Variants in FAM163A observed in about 807,000 individuals in gnomAD.
FAM163A encodes family with sequence similarity 163 member A, also known as protein FAM163A.
A neutral mutation model predicts 12.0 loss-of-function variants in FAM163A; 7 were observed. That is an observed-to-expected ratio of 0.58 (90% confidence interval 0.33 to 1.10). FAM163A has a LOEUF of 1.10. Ranked by LOEUF, FAM163A falls within the 50% of genes least tolerant of loss-of-function variation. FAM163A has a pLI of 0.03. For missense variants in FAM163A, 202 were observed against 218.6 expected (o/e 0.92, Z 0.48); for synonymous variants, 101 against 91.0 (o/e 1.11, Z -0.62).
chr1:179,729,548 G>GC, the FAM163A span, among the ~76,000 whole-genome samples: 1 of 152,206 alleles, frequency 6.6e-6, no homozygotes, highest in African/African-American at 2.4e-5. Flanking sequence ...TTCTGAGAAG[G>GC]CTCCTAGTTG....
chr1:179,760,046 T>C (rs534508958), intron 1 of FAM163A, among the ~76,000 whole-genome samples: 2 of 152,144 alleles, frequency 1.3e-5, no homozygotes, highest in South Asian at 4.1e-4. Context: ...AGGAAAATGA[T>C]GGGTGCAGAT....
intron 1 of FAM163A, among the ~76,000 whole-genome samples, chr1:179,746,651 G>C (rs981337971): frequency 6.6e-6 from 1 of 152,138 alleles, no homozygotes; most frequent in African/African-American, 2.4e-5. Flanking sequence ...TGTACCTTTT[G>C]AATTCTGAAC....
chr1:179,792,261 A>G (rs1159023477), intron 1 of FAM163A, among the ~76,000 whole-genome samples: 1 of 151,538 alleles, frequency 6.6e-6, no homozygotes, highest in Non-Finnish European at 1.5e-5. Flanking sequence ...CTGGGACTAC[A>G]GACACATGCC....
chr1:179,733,686 G>A, the FAM163A span, among the ~76,000 whole-genome samples: 1 of 151,960 alleles, frequency 6.6e-6, no homozygotes, highest in African/African-American at 2.4e-5. Context: ...GTATCCACAC[G>A]TGCTACCTCT....
intron 1 of FAM163A, among the ~76,000 whole-genome samples, chr1:179,761,520 G>A (rs772519747): frequency 1.1e-4 from 17 of 152,264 alleles, no homozygotes; most frequent in African/African-American, 2.6e-4. Flanking sequence ...TACGACAGCC[G>A]GTAGCCTTGA....
chr1:179,767,103 T>A lies in FAM163A; in HGVS notation c.-136+23680T>A, dbSNP rs1431520014. Among the ~76,000 whole-genome samples the A allele has an allele frequency of 2.0e-5, 3 of 152,054 alleles. No homozygotes were observed. In the East Asian group the frequency reaches 5.8e-4, roughly 29 times the overall value. ...AAACAGGAGTCCTCCCTGCCATCGTTCTCCCAGTGTCTTCCCTCAGAGATG... is the reference window on the plus strand; with the variant it reads ...AAACAGGAGTCCTCCCTGCCATCGTACTCCCAGTGTCTTCCCTCAGAGATG... On this transcript the variant is annotated intron_variant, in intron 1 of 4. Transcript: ENST00000341785.
intron 1 of FAM163A, among the ~76,000 whole-genome samples, chr1:179,747,898 G>C (rs1433447566): frequency 6.6e-6 from 1 of 151,524 alleles, no homozygotes; most frequent in Non-Finnish European, 1.5e-5. Context: ...GTGTGCATTA[G>C]GGCTGGGGCT....
upstream of FAM163A, among the ~76,000 whole-genome samples, chr1:179,741,515 T>A (rs1683637788): frequency 2.0e-5 from 3 of 152,186 alleles, no homozygotes; most frequent in Admixed American, 6.5e-5. Context: ...ATAGCCCCAA[T>A]GGGAAAAACC....
the FAM163A span, among the ~76,000 whole-genome samples, chr1:179,735,134 C>G: frequency 2.6e-5 from 4 of 152,050 alleles, no homozygotes; most frequent in Admixed American, 1.3e-4. Flanking sequence ...CAAAATAAGT[C>G]CCCCCAGATT....
At chr1:179,732,913 T>G in the FAM163A span, among the ~76,000 whole-genome samples, 1 of 145,574 alleles carries the variant, frequency 6.9e-6, no homozygotes, top group Admixed American at 6.9e-5. Context: ...AAAAGATTGT[T>G]TACATGATTG....
intron 1 of FAM163A, among the ~76,000 whole-genome samples, chr1:179,767,483 T>A (rs1365141517): frequency 6.6e-6 from 1 of 152,158 alleles, no homozygotes; most frequent in Non-Finnish European, 1.5e-5. Flanking sequence ...ATCTGTCACT[T>A]CACATCCCCC....
At chr1:179,753,804 GAA>G (rs1433281283) in intron 1 of FAM163A, among the ~76,000 whole-genome samples, 1 of 152,226 alleles carries the variant, frequency 6.6e-6, no homozygotes, top group Non-Finnish European at 1.5e-5. Context: ...GGTGAAGAGA[GAA>G]AGGGTGAGGA....
At chr1:179,763,588 G>A (rs2148059656) in intron 1 of FAM163A, among the ~76,000 whole-genome samples, 1 of 152,312 alleles carries the variant, frequency 6.6e-6, no homozygotes, top group South Asian at 2.1e-4. Context: ...CTAAGGATGT[G>A]TAATTCTTTA....
intron 1 of FAM163A, among the ~76,000 whole-genome samples, chr1:179,773,699 C>T (rs756415749): frequency 3.9e-5 from 6 of 152,206 alleles, no homozygotes; most frequent in African/African-American, 4.8e-5. Flanking sequence ...GCTTCCCAAG[C>T]AGTCCATACC....
intron 1 of FAM163A, among the ~76,000 whole-genome samples, chr1:179,758,493 T>G (rs2148029714): frequency 6.6e-6 from 1 of 152,334 alleles, no homozygotes; most frequent in South Asian, 2.1e-4. Flanking sequence ...GCTTTATGTC[T>G]GCTCATACTT....
At chr1:179,803,754 A>T (rs1693523378) in intron 1 of FAM163A, among the ~76,000 whole-genome samples, 1 of 151,496 alleles carries the variant, frequency 6.6e-6, no homozygotes, top group Non-Finnish European at 1.5e-5. Context: ...TTTTTAATAG[A>T]GACAGGATTT....
intron 1 of FAM163A, among the ~76,000 whole-genome samples, chr1:179,789,335 C>G (rs928435242): frequency 6.6e-6 from 1 of 152,330 alleles, no homozygotes; most frequent in East Asian, 1.9e-4. Flanking sequence ...GCACCTGCCA[C>G]CACACCCAGC....
chr1:179,781,762 C>G (rs1179831166), intron 1 of FAM163A, among the ~76,000 whole-genome samples: 1 of 151,854 alleles, frequency 6.6e-6, no homozygotes, highest in Non-Finnish European at 1.5e-5. Context: ...GGTGAAACCC[C>G]GTCTCTACTA....
intron 1 of FAM163A, among the ~76,000 whole-genome samples, chr1:179,798,241 G>C (rs1377637234): frequency 2.0e-5 from 3 of 152,072 alleles, no homozygotes; most frequent in African/African-American, 7.3e-5. Flanking sequence ...AGAATATAAG[G>C]CATGTGTTTA....
Sources: allele counts gnomAD v4.1 joint callset (sites outside exome capture counted in the v4.1 genomes callset), GRCh38; gene constraint gnomAD v4.1.1; transcripts MANE v1.5; gene names NCBI Gene and HGNC (gene_info 2026-07-23, HGNC 2026-07-21).